LPA: variants seen among roughly 807,000 people sequenced by gnomAD.
The protein encoded by LPA is lipoprotein(a).
LPA carries 199 observed loss-of-function variants against 197.9 expected under a neutral mutation model. The ratio of observed to expected loss-of-function variants is 1.01; its 90% CI spans 0.90 to 1.13. The LOEUF (loss-of-function observed/expected upper bound fraction) is 1.13. LPA is among the 50% of genes most tolerant of loss of function. LPA has a pLI of 0.00. For synonymous variants in LPA, 715 were observed against 639.5 expected, an observed-to-expected ratio of 1.12 and a Z score of -1.78; for missense variants, 1,853 against 1,785.8, an observed-to-expected ratio of 1.04 and a Z score of -0.68.
intron 14 of LPA, among the ~76,000 whole-genome samples, chr6:160,615,352 T>TTGTGTG (rs370743567): frequency 4.1e-3 from 494 of 121,348 alleles, no homozygotes; most frequent in East Asian, 0.033. Context: ...TGTTTTCAGT[T>TTGTGTG]TGTGTGTGTG....
Position 160,547,877 on chromosome 6 carries a change from G to A in LPA, c.5216C>T (p.Thr1739Met), listed in dbSNP as rs201624944. 215 of 1,613,896 alleles carry A rather than the reference G, an allele frequency of 1.3e-4. No homozygotes were observed. The highest frequency in any genetic ancestry group is 1.7e-4 in the Non-Finnish European group (198 of 1,180,004). Residue 1739 changes from threonine to methionine, a missense_variant, in exon 32 of 39, where the codon ACG (threonine) becomes ATG (methionine). Thr to Met is a moderately conservative substitution (Grantham distance 81, BLOSUM62 -1). Transcript: ENST00000316300. ...RGKKATTVTGTPCQEWAAQEP... is the reference protein window; with the variant it reads ...RGKKATTVTGMPCQEWAAQEP... The stretch of plus-strand genomic sequence containing the variant: ...CTGGGCAGCCCATTCCTGGCATGGC[G>A]TCCCAGTAACAGTGGTTGCCTTCTT...
intron 26 of LPA, among the ~76,000 whole-genome samples, chr6:160,580,236 C>T (rs1488650844): frequency 6.6e-6 from 1 of 152,068 alleles, no homozygotes; most frequent in East Asian, 1.9e-4. Flanking sequence ...AATAGTATTC[C>T]TTTGTATAAA....
At chr6:160,660,650 T>A (rs147005990) in intron 1 of LPA, among the ~76,000 whole-genome samples, 1 of 152,302 alleles carries the variant, frequency 6.6e-6, no homozygotes, top group Non-Finnish European at 1.5e-5. Flanking sequence ...ACTTTGACAG[T>A]TGATAAGCAT....
At chr6:160,545,008 T>A (rs1778042518) in intron 33 of LPA, among the ~76,000 whole-genome samples, 1 of 152,194 alleles carries the variant, frequency 6.6e-6, no homozygotes. Flanking sequence ...CATCTGAGGT[T>A]TACAATGTGC....
At chr6:160,584,237 T>TTCTTCTTCTTCCTCCTCC in intron 26 of LPA, among the ~76,000 whole-genome samples, 1 of 69,474 alleles carries the variant, frequency 1.4e-5, no homozygotes, top group East Asian at 5.8e-4. Flanking sequence ...CTTCTTCTTC[T>TTCTTCTTCTTCCTCCTCC]TCCTCCTCCT....
intron 33 of LPA, among the ~76,000 whole-genome samples, chr6:160,544,591 G>C (rs559484870): frequency 6.6e-6 from 1 of 152,062 alleles, no homozygotes; most frequent in Non-Finnish European, 1.5e-5. Context: ...TCAGGATGCT[G>C]GTCTTCAGTG....
At chr6:160,608,819 TTGTGTG>T (rs10526739) in intron 16 of LPA, among the ~76,000 whole-genome samples, 12 of 149,348 alleles carry the variant, frequency 8.0e-5, no homozygotes, top group African/African-American at 1.7e-4. Context: ...TTCTTGAGGG[TTGTGTG>T]TGTGTGTGTG....
chr6:160,541,037 G>T, intron 35 of LPA, 70 bp downstream of exon 35: 1 of 1,276,822 alleles, frequency 7.8e-7, no homozygotes, highest in Non-Finnish European at 1.1e-6. Context: ...AAGAAAGAAG[G>T]GATGGAGGAA....
intron 30 of LPA, among the ~76,000 whole-genome samples, chr6:160,549,571 T>C (rs944547356): frequency 6.6e-6 from 1 of 152,220 alleles, no homozygotes; most frequent in Non-Finnish European, 1.5e-5. Flanking sequence ...TTACTCTCTG[T>C]ACTAGTCGTG....
chr6:160,557,629 A>T, intron 28 of LPA, 58 bp from the exon 29 acceptor site: 1 of 1,446,292 alleles, frequency 6.9e-7, no homozygotes, highest in Non-Finnish European at 9.7e-7. Flanking sequence ...AGGGGCACCC[A>T]GCGCTGTCTA....
At chr6:160,562,143 G>A (rs1778373000) in intron 28 of LPA, among the ~76,000 whole-genome samples, 1 of 152,166 alleles carries the variant, frequency 6.6e-6, no homozygotes, top group Admixed American at 6.5e-5. Flanking sequence ...CTTGTCTTGT[G>A]CTGGTTTTCA....
chr6:160,593,991 C>T lies in LPA; in HGVS notation c.3596G>A (p.Trp1199Ter), dbSNP rs1779081404. ...ATAATATTCTGTTGTCCTCTGATGC[C>T]AGTGTGGTGTCATAGAGGACCAAGA... Reference protein sequence around the residue: ...CQSWSSMTPHWHQRTTEYYPN... With the variant: ...CQSWSSMTPH The change falls in exon 22 of 39, where the codon TGG (tryptophan) becomes TAG (stop). Residue 1199 changes from tryptophan to a stop codon, truncating the protein, a stop_gained. Coordinates refer to ENST00000316300, the MANE Select transcript of LPA (RefSeq NM_005577.4). LOFTEE classifies it high-confidence loss of function. The T allele has an allele frequency of 1.2e-6, 2 of 1,613,898 alleles. No individual in the cohort carries two copies. The highest frequency in any genetic ancestry group is 2.2e-5 in the East Asian group (1 of 44,858).
At position 160,574,674 on chromosome 6, in the gene LPA, G is replaced by C. The variant is rs74986501; in HGVS notation, c.4631+2462C>G. On this transcript the variant is annotated intron_variant, in intron 28 of 38. Coordinates refer to ENST00000316300, the MANE Select transcript of LPA (RefSeq NM_005577.4). ...AACTTCTCCTGCAAACAGACTTTCA[G>C]CTTCTCCAGTTGTGGGGTGTGTTTG... Among the ~76,000 whole-genome samples the C allele has an allele frequency of 5.4e-3, 815 of 152,270 alleles. 15 individuals are homozygous for C. The highest frequency in any genetic ancestry group is 0.019 in the African/African-American group (800 of 41,538).
intron 1 of LPA, among the ~76,000 whole-genome samples, chr6:160,658,346 T>C (rs1224925057): frequency 6.6e-6 from 1 of 152,198 alleles, no homozygotes; most frequent in Non-Finnish European, 1.5e-5. Flanking sequence ...GATCAGCTAC[T>C]CGCATGATAA....
intron 1 of LPA, among the ~76,000 whole-genome samples, chr6:160,661,176 G>C (rs1204228800): frequency 6.6e-6 from 1 of 152,226 alleles, no homozygotes; most frequent in Non-Finnish European, 1.5e-5. Context: ...TTTTCACAGG[G>C]TGAGAGGCCA....
At chr6:160,572,884 A>C (rs1778588152) in intron 28 of LPA, among the ~76,000 whole-genome samples, 1 of 152,160 alleles carries the variant, frequency 6.6e-6, no homozygotes, top group Non-Finnish European at 1.5e-5. Flanking sequence ...GAATGTGCCT[A>C]GGCTAAGATC....
In LPA at chr6:160,595,578, G is replaced by T. The variant is rs764218090; in HGVS notation, c.3288-43C>A. The T allele has an allele frequency of 3.3e-5, 54 of 1,613,456 alleles. 1 individual carries two copies. Among genetic ancestry groups the T allele is most frequent in the Admixed American group, 2.0e-4 (12 of 59,994 alleles). Reference sequence around the variant, plus strand: ...ACACAGGTCACCAGAGATGGGAGAAGATTCAAGGGCACTTAGCGCCCTCTA... The same window carrying T: ...ACACAGGTCACCAGAGATGGGAGAATATTCAAGGGCACTTAGCGCCCTCTA... On this transcript the variant is annotated intron_variant, in intron 20 of 38. Transcript: ENST00000316300.
chr6:160,533,211 T>A (rs536279674), intron 37 of LPA, among the ~76,000 whole-genome samples: 44 of 152,298 alleles, frequency 2.9e-4, no homozygotes, highest in African/African-American at 1.1e-3. Context: ...CCATTGTGAA[T>A]GTACTGAATG....
At chr6:160,575,841 C>T (rs1158257398) in intron 28 of LPA, among the ~76,000 whole-genome samples, 1 of 152,250 alleles carries the variant, frequency 6.6e-6, no homozygotes, top group East Asian at 1.9e-4. Flanking sequence ...ATTTATATTA[C>T]ACTGAGGTGA....
Sources: gnomAD v4.1 joint callset for allele counts (sites outside exome capture counted in the v4.1 genomes callset) on GRCh38, gnomAD v4.1.1 for gene constraint, MANE v1.5 for transcripts, NCBI Gene and HGNC (gene_info 2026-07-23, HGNC 2026-07-21) for gene names.